The following ERC1 variants were observed in gnomAD, a reference collection of about 807,000 sequenced individuals.
ERC1 encodes ELKS/RAB6-interacting/CAST family member 1.
Under a neutral mutation model 132.0 loss-of-function variants are expected in ERC1, and 56 were observed. The observed-to-expected ratio is 0.42, with a 90% CI of 0.34 to 0.53. ERC1 has a LOEUF of 0.53. ERC1 is among the 20% of genes least tolerant of loss of function. The pLI is 0.03. For missense variants in ERC1, 1,202 were observed against 1,349.9 expected, an observed-to-expected ratio of 0.89 and a Z score of 1.72; for synonymous variants, 478 against 476.1, an observed-to-expected ratio of 1.00 and a Z score of -0.05.
chr12:1,482,448 T>G (rs1381786960), intron 18 of ERC1, among the ~76,000 whole-genome samples: 1 of 151,794 alleles, frequency 6.6e-6, no homozygotes, highest in Non-Finnish European at 1.5e-5. Context: ...TTTGTTTGTG[T>G]TTTTTTTGTT....
intron 7 of ERC1, among the ~76,000 whole-genome samples, chr12:1,121,871 A>G (rs867401118): frequency 1.8e-5 from 1 of 54,762 alleles, no homozygotes; most frequent in African/African-American, 1.0e-4. Flanking sequence ...CTCTATCTCT[A>G]TCTCTATCTG....
At chr12:1,192,470 G>T (rs1278238250) in intron 12 of ERC1, among the ~76,000 whole-genome samples, 8 of 152,108 alleles carry the variant, frequency 5.3e-5, no homozygotes, top group Non-Finnish European at 1.2e-4. Context: ...CTATGCCTGT[G>T]TCTGTCTCCC....
chr12:1,201,508 G>A (rs895604072), intron 12 of ERC1, among the ~76,000 whole-genome samples: 3 of 152,054 alleles, frequency 2.0e-5, no homozygotes, highest in Non-Finnish European at 4.4e-5. Context: ...GATATTTGAC[G>A]GGTTTACCTA....
At chr12:1,039,851 G>A (rs1969870151) in intron 2 of ERC1, among the ~76,000 whole-genome samples, 1 of 152,168 alleles carries the variant, frequency 6.6e-6, no homozygotes, top group Admixed American at 6.5e-5. Flanking sequence ...CTCTGCTTAT[G>A]GGAGTAAGAA....
chr12:997,653 A>G (rs1961210806), intron 1 of ERC1, among the ~76,000 whole-genome samples: 2 of 152,162 alleles, frequency 1.3e-5, no homozygotes, highest in South Asian at 2.1e-4. Context: ...GCTGATAGTG[A>G]AGAGGTAGAG....
intron 12 of ERC1, among the ~76,000 whole-genome samples, chr12:1,192,572 A>G (rs749244615): frequency 2.6e-5 from 4 of 152,076 alleles, no homozygotes; most frequent in African/African-American, 9.7e-5. Flanking sequence ...GTTTATATGT[A>G]TATGCTCCTT....
At chr12:1,078,783 T>C (rs1165045752) in intron 2 of ERC1, among the ~76,000 whole-genome samples, 1 of 151,930 alleles carries the variant, frequency 6.6e-6, no homozygotes, top group Admixed American at 6.6e-5. Context: ...AAAGTTGATA[T>C]ACAAAGACAC....
chr12:1,315,028 A>C (rs1242860131), intron 15 of ERC1, among the ~76,000 whole-genome samples: 1 of 151,976 alleles, frequency 6.6e-6, no homozygotes, highest in African/African-American at 2.4e-5. Context: ...TAGTCAGTAA[A>C]TTTTCTTTCT....
intron 16 of ERC1, among the ~76,000 whole-genome samples, chr12:1,403,599 T>TAG (rs544863970): frequency 6.6e-6 from 1 of 152,190 alleles, no homozygotes; most frequent in Non-Finnish European, 1.5e-5. Context: ...AGTAAGTTCT[T>TAG]ACAACTGTTT....
At chr12:1,314,445 T>C (rs7301327) in intron 15 of ERC1, among the ~76,000 whole-genome samples, 5,262 of 152,284 alleles carry the variant, frequency 0.035, 95 homozygotes, top group Middle Eastern at 0.075. Flanking sequence ...GAAACAAGTA[T>C]TTGAGTGTAA....
intron 2 of ERC1, among the ~76,000 whole-genome samples, chr12:1,034,158 T>C (rs1968614022): frequency 6.6e-6 from 1 of 152,212 alleles, no homozygotes; most frequent in Non-Finnish European, 1.5e-5. Flanking sequence ...AGATTCTTTA[T>C]ATGTATTTAG....
At chr12:1,338,822 C>T (rs565708784) in intron 15 of ERC1, among the ~76,000 whole-genome samples, 10 of 152,148 alleles carry the variant, frequency 6.6e-5, no homozygotes, top group African/African-American at 2.2e-4. Context: ...GGCCAACACT[C>T]AGCTCTGATC....
In ERC1 at chr12:1,121,677, A is replaced by C. The variant is rs1359655525; in HGVS notation, c.1569+5644A>C. On this transcript the variant is annotated intron_variant, in intron 7 of 18. Transcript: ENST00000360905. ...TATCTCTATCTCTATCTCTATCTCT[A>C]TCTATCTCTATCTCTATCTCTATCT... 5.4e-3 allele frequency among the ~76,000 whole-genome samples: 44 copies of C among 8,182 alleles called. 2 individuals are homozygous for C. The highest frequency in any genetic ancestry group is 6.9e-3 in the Non-Finnish European group (16 of 2,318). The allele number at this position is 8,182 out of a possible 152,430, so 5.4% of individuals were successfully genotyped here. A position where few individuals can be genotyped will look rare whatever the true frequency, so the allele number is the denominator to read the frequency against.
At chr12:1,415,308 T>C (rs2092060834) in intron 17 of ERC1, among the ~76,000 whole-genome samples, 2 of 152,204 alleles carry the variant, frequency 1.3e-5, no homozygotes, top group Admixed American at 6.5e-5. Context: ...GGCTTAAAAG[T>C]TGGTCTTGGT....
chr12:1,138,117 T>TAATCATATTATATATAATATAATTATATA (rs1351995861), intron 7 of ERC1, among the ~76,000 whole-genome samples: 1 of 117,066 alleles, frequency 8.5e-6, no homozygotes. Context: ...ATAATTATAT[T>TAATCATATTATATATAATATAATTATATA]TAATACATAT....
chr12:1,111,298 A>G (rs1945830874), intron 5 of ERC1, among the ~76,000 whole-genome samples: 1 of 152,178 alleles, frequency 6.6e-6, no homozygotes, highest in African/African-American at 2.4e-5. Flanking sequence ...ACAATTATCA[A>G]TTTACCAGTT....
Position 1,182,074 on chromosome 12 carries a change from C to T in ERC1, c.2016+9C>T. On this transcript the variant is annotated intron_variant, in intron 10 of 18. Coordinates refer to ENST00000360905, the MANE Select transcript of ERC1 (RefSeq NM_178040.4). ...ACCTTTCAGAGAAAGAGGTTAAGCT[C>T]CCCAAAATGGAATTAGTTTGTTTGC... The T allele has an allele frequency of 1.9e-6, 3 of 1,611,894 alleles. No individual in the cohort carries two copies. The highest frequency in any genetic ancestry group is 2.5e-6 in the Non-Finnish European group (3 of 1,178,954).
intron 8 of ERC1, among the ~76,000 whole-genome samples, chr12:1,177,380 G>A (rs368254327): frequency 2.6e-5 from 4 of 152,128 alleles, no homozygotes; most frequent in Non-Finnish European, 5.9e-5. Context: ...TCTGCATGTA[G>A]CATTTGACTT....
At chr12:1,049,472 T>C (rs1318411941) in intron 2 of ERC1, among the ~76,000 whole-genome samples, 3 of 152,112 alleles carry the variant, frequency 2.0e-5, no homozygotes, top group Non-Finnish European at 4.4e-5. Flanking sequence ...TTGATTGGGC[T>C]TGGGGGTGGT....
Sources: gnomAD v4.1 joint callset for allele counts (sites outside exome capture counted in the v4.1 genomes callset) on GRCh38, gnomAD v4.1.1 for gene constraint, MANE v1.5 for transcripts, NCBI Gene and HGNC (gene_info 2026-07-23, HGNC 2026-07-21) for gene names.